The following STATH variants were observed in gnomAD, a reference collection of about 807,000 sequenced individuals.
The protein encoded by STATH is statherin.
STATH carries 11 observed loss-of-function variants against 13.3 expected under a neutral mutation model. The ratio of observed to expected loss-of-function variants is 0.83; its 90% confidence interval spans 0.52 to 1.37. STATH has a LOEUF of 1.37. STATH is among the 40% of genes most tolerant of loss of function. The pLI, the probability that STATH is intolerant of heterozygous loss-of-function variation, is 0.00. For missense variants in STATH, 78 were observed against 73.3 expected (o/e 1.06, Z -0.24); for synonymous variants, 25 against 23.6 (o/e 1.06, Z -0.17).
chr4:69,997,174 G>A (rs2109679880), intron 1 of STATH, among the ~76,000 whole-genome samples: 1 of 151,996 alleles, frequency 6.6e-6, no homozygotes, highest in Middle Eastern at 3.4e-3. Flanking sequence ...TTGAACTCCT[G>A]ACCACAGGTG....
intron 2 of STATH, 162 bp downstream of exon 2, chr4:69,998,650 A>G (rs1183193844): frequency 6.2e-6 from 3 of 480,270 alleles, no homozygotes; most frequent in African/African-American, 2.0e-5. Flanking sequence ...CATAAGCTAT[A>G]TAAGGATTTA....
intron 1 of STATH, 34 bp downstream of exon 1, chr4:69,996,059 TTAATC>T (rs1245657313): frequency 5.9e-5 from 9 of 152,206 alleles, no homozygotes; most frequent in Non-Finnish European, 1.2e-4. Flanking sequence ...ATATGTTGTC[TTAATC>T]TAGAGTGTTG....
At chr4:69,996,661 TA>T (rs1027036058) in intron 1 of STATH, among the ~76,000 whole-genome samples, 76 of 152,156 alleles carry the variant, frequency 5.0e-4, no homozygotes, top group African/African-American at 1.7e-3. Context: ...ATTGGGGAAA[TA>T]TTTTTTTAAA....
At chr4:69,997,383 A>T (rs1724537339) in intron 1 of STATH, among the ~76,000 whole-genome samples, 2 of 152,182 alleles carry the variant, frequency 1.3e-5, no homozygotes, top group South Asian at 2.1e-4. Flanking sequence ...TAGGTAAAAA[A>T]TATTCTTGTA....
At position 69,999,807 on chromosome 4, in the gene STATH, G is replaced by A. The variant is rs776585042; in HGVS notation, c.100G>A (p.Gly34Ser). ...EKFLRRIGRF[G>S]YGYGPYQPVP... is the part of the protein sequence containing the mutation. ...ATTTTTGCGTAGAATTGGAAGATTC[G>A]GTGTAAGTGTTCTCTGATAATGCTG... The change falls in exon 4 of 6, where the codon GGT (glycine) becomes AGT (serine). Residue 34 changes from glycine (G) to serine (S), a missense_variant and splice_region_variant. Gly to Ser is a moderately conservative substitution (Grantham distance 56, BLOSUM62 0). Transcript: ENST00000246895. 29 of 1,611,594 alleles carry A rather than the reference G, an allele frequency of 1.8e-5. No homozygotes were observed. The highest frequency in any genetic ancestry group is 1.3e-4 in the East Asian group (6 of 44,756).
intron 1 of STATH, 80 bp downstream of exon 1, chr4:69,996,105 A>C (rs1444005134): frequency 1.3e-5 from 2 of 152,214 alleles, no homozygotes; most frequent in Non-Finnish European, 2.9e-5. Flanking sequence ...ACTAATTATA[A>C]AAATGTGTAT....
chr4:70,001,463 G>C (rs547349242), intron 5 of STATH, among the ~76,000 whole-genome samples: 59 of 151,742 alleles, frequency 3.9e-4, no homozygotes, highest in Non-Finnish European at 6.8e-4. Context: ...TGCAATCTTT[G>C]GAGAAGCTTC....
chr4:70,000,327 AT>A (rs1196705411), intron 4 of STATH: 16 of 160,032 alleles, frequency 1.0e-4, no homozygotes, highest in Non-Finnish European at 1.9e-4. Context: ...GTTGCAAAAG[AT>A]CCCCTAACTA....
chr4:69,996,155 A>T (rs1002702990), intron 1 of STATH, 130 bp downstream of exon 1: 1 of 152,212 alleles, frequency 6.6e-6, no homozygotes, highest in Non-Finnish European at 1.5e-5. Flanking sequence ...CAATTGAGAG[A>T]AATGATGACC....
chr4:69,999,590 G>T (rs768030492), intron 2 of STATH, 77 bp from the exon 3 acceptor site: 29 of 1,421,394 alleles, frequency 2.0e-5, no homozygotes, highest in Non-Finnish European at 2.6e-5. Context: ...AACTGTAGCT[G>T]CTGAGTTCAT....
intron 4 of STATH, 143 bp downstream of exon 4, chr4:69,999,952 C>A: frequency 1.1e-6 from 1 of 901,330 alleles, no homozygotes; most frequent in Non-Finnish European, 1.7e-6. Context: ...TTATGATACA[C>A]AGGTAACAGT....
chr4:70,001,579 A>G (rs1724669810), intron 5 of STATH, among the ~76,000 whole-genome samples: 1 of 151,870 alleles, frequency 6.6e-6, no homozygotes, highest in South Asian at 2.1e-4. Flanking sequence ...TAACAAGAAA[A>G]TATGGAAATG....
chr4:69,997,066 T>C (rs1381027654), intron 1 of STATH, among the ~76,000 whole-genome samples: 1 of 151,764 alleles, frequency 6.6e-6, no homozygotes, highest in Admixed American at 6.6e-5. Flanking sequence ...GCTTCCTAAG[T>C]AGCTGGGATT....
chr4:70,001,232 T>C (rs1162966952), intron 5 of STATH, among the ~76,000 whole-genome samples: 1 of 151,800 alleles, frequency 6.6e-6, no homozygotes, highest in Non-Finnish European at 1.5e-5. Flanking sequence ...AACTACTAGT[T>C]TCATGACTTT....
intron 1 of STATH, 64 bp from the exon 2 acceptor site, chr4:69,998,352 TATAATCA>T: frequency 8.8e-7 from 1 of 1,132,514 alleles, no homozygotes. Flanking sequence ...TGGAGCGTAG[TATAATCA>T]ATAAACTTTT....
intron 4 of STATH, 160 bp downstream of exon 4, chr4:69,999,969 T>A: frequency 1.3e-6 from 1 of 798,284 alleles, no homozygotes; most frequent in South Asian, 1.8e-5. Context: ...CAGTCACAAA[T>A]GTATTGTGTC....
chr4:70,001,059 A>T, intron 5 of STATH, 77 bp downstream of exon 5: 1 of 985,908 alleles, frequency 1.0e-6, no homozygotes, highest in East Asian at 2.4e-5. Context: ...CAAAAACAAG[A>T]CATTAAACCA....
At position 69,999,906 on chromosome 4, in the gene STATH, G is replaced by A. The variant is rs1018458812; in HGVS notation, c.102+97G>A. On this transcript the variant is annotated intron_variant, in intron 4 of 5. Transcript: ENST00000246895. ...ACCAATACTTATTTCTCAAATATGTGTAGTAGTTGCAAAAGTGTGCTTTGT... is the reference window on the plus strand; with the variant it reads ...ACCAATACTTATTTCTCAAATATGTATAGTAGTTGCAAAAGTGTGCTTTGT... 3.5e-5 allele frequency: 48 copies of A among 1,355,178 alleles called. 1 individual carries two copies. Among genetic ancestry groups the A allele is most frequent in the African/African-American group, 2.7e-4 (19 of 69,328 alleles). The allele number at this position is 1,355,178 out of a possible 1,614,324, so 83.9% of individuals were successfully genotyped here.
rs868294295 is a variant in STATH, at chr4:69,996,674, C to T, written c.-16+649C>T. Among the ~76,000 whole-genome samples, 27 of 151,964 alleles carry T rather than the reference C, an allele frequency of 1.8e-4. 1 individual carries two copies. Among genetic ancestry groups the T allele is most frequent in the Middle Eastern group, 3.4e-3 (1 of 292 alleles). On this transcript the variant is annotated intron_variant, in intron 1 of 5. Coordinates refer to ENST00000246895, the MANE Select transcript of STATH (RefSeq NM_003154.3). ...TCATTGGGGAAATATTTTTTTAAAA[C>T]CATGACATATATATTTATATATCTA...
Sources: allele counts gnomAD v4.1 joint callset (sites outside exome capture counted in the v4.1 genomes callset), GRCh38; gene constraint gnomAD v4.1.1; transcripts MANE v1.5; gene names NCBI Gene and HGNC (gene_info 2026-07-23, HGNC 2026-07-21).